CACNA2D3: variants seen among roughly 807,000 people sequenced by gnomAD.
CACNA2D3 encodes the protein voltage-dependent calcium channel subunit alpha-2/delta-3.
CACNA2D3 carries 60 observed loss-of-function variants against 160.6 expected under a neutral mutation model. That is an observed-to-expected ratio of 0.37 (90% CI 0.30 to 0.46). The LOEUF (loss-of-function observed/expected upper bound fraction) is 0.46, where lower values mean the gene tolerates loss of function less well. Ranked by LOEUF, CACNA2D3 falls within the 20% of genes least tolerant of loss-of-function variation. CACNA2D3 has a pLI of 1.00. For synonymous variants in CACNA2D3, 558 were observed against 492.9 expected, an observed-to-expected ratio of 1.13 and a Z score of -1.75; for missense variants, 1,205 against 1,365.0, an observed-to-expected ratio of 0.88 and a Z score of 1.85.
intron 27 of CACNA2D3, among the ~76,000 whole-genome samples, chr3:54,937,240 G>C (rs189121273): frequency 1.3e-5 from 2 of 152,334 alleles, no homozygotes; most frequent in Non-Finnish European, 2.9e-5. Context: ...GCAAAGCTCT[G>C]TGTTTGGGAA....
At chr3:55,008,913 AC>A (rs1703153679) in intron 33 of CACNA2D3, among the ~76,000 whole-genome samples, 3 of 151,756 alleles carry the variant, frequency 2.0e-5, no homozygotes, top group African/African-American at 4.8e-5. Flanking sequence ...ACACACACAC[AC>A]ACACACACAC....
At chr3:54,444,580 C>T (rs901058369) in intron 4 of CACNA2D3, among the ~76,000 whole-genome samples, 2 of 152,142 alleles carry the variant, frequency 1.3e-5, no homozygotes, top group African/African-American at 4.8e-5. Flanking sequence ...GGATGGCTAC[C>T]TCCTGATCTG....
chr3:55,072,427 G>GAAC (rs1400051991), intron 35 of CACNA2D3, among the ~76,000 whole-genome samples: 4 of 152,168 alleles, frequency 2.6e-5, no homozygotes, highest in Non-Finnish European at 5.9e-5. Context: ...TAAAGCAGAA[G>GAAC]AACTTTTCTT....
intron 3 of CACNA2D3, among the ~76,000 whole-genome samples, chr3:54,321,939 A>AC (rs1183270468): frequency 3.9e-5 from 6 of 152,076 alleles, no homozygotes; most frequent in Non-Finnish European, 8.8e-5. Context: ...AAAAAAAAAA[A>AC]AAACTAGTAA....
chr3:54,817,628 A>G (rs145403051), intron 14 of CACNA2D3, among the ~76,000 whole-genome samples: 2 of 152,340 alleles, frequency 1.3e-5, no homozygotes, highest in East Asian at 3.9e-4. Context: ...GTGTTTCAAG[A>G]GTCAAGGTAG....
chr3:54,586,262 CAA>C lies in CACNA2D3; in HGVS notation c.963+4402_963+4403del, dbSNP rs34992866. ...CTGGGCAATAGAGCGAGATCCATCT[CAA>C]AAAAAAAAAAAAAAAAGAAACTCAT... On this transcript the variant is annotated intron_variant, in intron 9 of 37. Transcript: ENST00000474759. Among the ~76,000 whole-genome samples, 396 of 101,304 alleles carry C rather than the reference CAA, an allele frequency of 3.9e-3. 2 individuals are homozygous for C. Among genetic ancestry groups the C allele is most frequent in the African/African-American group, 0.012 (318 of 26,770 alleles). 66.5% of individuals were successfully genotyped at this position (101,304 alleles called of 152,430 possible).
chr3:54,288,145 G>A (rs1703081851), intron 2 of CACNA2D3, among the ~76,000 whole-genome samples: 1 of 151,938 alleles, frequency 6.6e-6, no homozygotes, highest in South Asian at 2.1e-4. Flanking sequence ...CTGGTTTTTT[G>A]AAAGGATCAA....
At chr3:54,513,454 C>T (rs1297286012) in intron 5 of CACNA2D3, among the ~76,000 whole-genome samples, 2 of 152,184 alleles carry the variant, frequency 1.3e-5, no homozygotes, top group Non-Finnish European at 2.9e-5. Flanking sequence ...CCTACCCCAA[C>T]TCACTGAAGC....
intron 5 of CACNA2D3, among the ~76,000 whole-genome samples, chr3:54,542,006 C>T (rs1440249778): frequency 6.6e-6 from 1 of 150,778 alleles, no homozygotes; most frequent in African/African-American, 2.4e-5. Context: ...TCAGGGTTCT[C>T]TAGAGCGACA....
chr3:54,887,451 A>G lies in CACNA2D3; in HGVS notation c.2057-508A>G, dbSNP rs1699953391. Among the ~76,000 whole-genome samples the G allele has an allele frequency of 2.0e-5, 3 of 152,160 alleles. No individual in the cohort carries two copies. In the South Asian group the frequency reaches 6.2e-4, roughly 32 times the overall value. On this transcript the variant is annotated intron_variant, in intron 23 of 37. Coordinates refer to ENST00000474759, the MANE Select transcript of CACNA2D3 (RefSeq NM_018398.3). ...CAAAAAAATAAACAAATAAATAAAA[A>G]TAAATAAAATGAAACAATTCTTAAA...
chr3:54,761,642 G>A (rs932212437), intron 12 of CACNA2D3, among the ~76,000 whole-genome samples: 10 of 152,156 alleles, frequency 6.6e-5, no homozygotes, highest in African/African-American at 2.2e-4. Context: ...GTGAACATAG[G>A]CCCTGCTCCC....
In CACNA2D3 at chr3:54,324,964, TC is replaced by T. The variant is rs562262623; in HGVS notation, c.321+4407del. Among the ~76,000 whole-genome samples the T allele has an allele frequency of 8.5e-5, 13 of 152,222 alleles. No individual in the cohort carries two copies. The South Asian group carries it at 2.5e-3, about 29-fold the overall frequency. ...AGGCAAATTTGACACCACTCCCCTT[TC>T]TTCTGAGTTGCTGATGTTGAGAAAT... On this transcript the variant is annotated intron_variant, in intron 3 of 37. Transcript: ENST00000474759.
At chr3:54,356,390 C>T (rs1372121829) in intron 3 of CACNA2D3, among the ~76,000 whole-genome samples, 1 of 152,186 alleles carries the variant, frequency 6.6e-6, no homozygotes, top group Non-Finnish European at 1.5e-5. Context: ...TTGCAGAGTT[C>T]AGTGCCAAGA....
At chr3:54,589,215 C>A (rs1345395584) in intron 9 of CACNA2D3, among the ~76,000 whole-genome samples, 1 of 151,964 alleles carries the variant, frequency 6.6e-6, no homozygotes, top group African/African-American at 2.4e-5. Context: ...AAGACATATA[C>A]CCACATACAT....
At chr3:54,814,928 C>T (rs1438411382) in intron 13 of CACNA2D3, among the ~76,000 whole-genome samples, 1 of 152,232 alleles carries the variant, frequency 6.6e-6, no homozygotes, top group East Asian at 1.9e-4. Flanking sequence ...TTGTCATACT[C>T]ATGGCCCCTT....
chr3:54,676,233 C>T (rs1310892499), intron 11 of CACNA2D3, among the ~76,000 whole-genome samples: 1 of 152,162 alleles, frequency 6.6e-6, no homozygotes, highest in Non-Finnish European at 1.5e-5. Flanking sequence ...CCAGCAGTTC[C>T]TTATTTATCC....
intron 2 of CACNA2D3, among the ~76,000 whole-genome samples, chr3:54,290,700 AC>A (rs1414903561): frequency 1.3e-5 from 2 of 151,956 alleles, no homozygotes; most frequent in Non-Finnish European, 2.9e-5. Flanking sequence ...AAAATGTGGC[AC>A]ATATACACCA....
intron 3 of CACNA2D3, among the ~76,000 whole-genome samples, chr3:54,349,310 G>C (rs1228378837): frequency 1.3e-5 from 2 of 152,104 alleles, no homozygotes; most frequent in South Asian, 4.2e-4. Context: ...ATGCATCCTG[G>C]CCTGGCCTCC....
chr3:54,137,611 A>G (rs1699838279), intron 2 of CACNA2D3, among the ~76,000 whole-genome samples: 1 of 152,184 alleles, frequency 6.6e-6, no homozygotes. Flanking sequence ...TAAAGAATAC[A>G]TGTTACATTG....
Sources: gnomAD v4.1 joint callset for allele counts (sites outside exome capture counted in the v4.1 genomes callset) on GRCh38, gnomAD v4.1.1 for gene constraint, MANE v1.5 for transcripts, NCBI Gene and HGNC (gene_info 2026-07-23, HGNC 2026-07-21) for gene names.